The following TENM1 variants were observed in gnomAD, a reference collection of about 807,000 sequenced individuals.
TENM1 encodes teneurin-1.
Under a neutral mutation model 174.8 loss-of-function variants are expected in TENM1, and 35 were observed. The observed-to-expected ratio is 0.20, with a 90% CI of 0.15 to 0.27. TENM1 has a LOEUF of 0.27. Ranked by LOEUF, TENM1 falls within the 10% of genes least tolerant of loss-of-function variation. The pLI, the probability that TENM1 is intolerant of heterozygous loss-of-function variation, is 1.00. For missense variants in TENM1, 1,633 were observed against 2,130.1 expected (o/e 0.77, Z 4.59); for synonymous variants, 781 against 798.7 (o/e 0.98, Z 0.37).
the TENM1 span, among the ~76,000 whole-genome samples, chrX:125,044,176 A>T: frequency 2.1e-4 from 12 of 56,259 alleles, no homozygotes; most frequent in Middle Eastern, 8.2e-3. Context: ...ATAATAATAA[A>T]AAAAGGAAAA....
intron 18 of TENM1, among the ~76,000 whole-genome samples, chrX:124,515,871 CA>C (rs1405058089): frequency 9.2e-6 from 1 of 109,173 alleles, no homozygotes; most frequent in African/African-American, 3.3e-5. Flanking sequence ...TGGAACCCCC[CA>C]AAAAAGCCTA....
At chrX:125,196,430 A>T in the TENM1 span, among the ~76,000 whole-genome samples, 1 of 111,864 alleles carries the variant, frequency 8.9e-6, no homozygotes, top group Non-Finnish European at 1.9e-5. Flanking sequence ...CCACACACAT[A>T]AACACAAACA....
At chrX:125,153,518 C>A in the TENM1 span, among the ~76,000 whole-genome samples, 1 of 112,176 alleles carries the variant, frequency 8.9e-6, no homozygotes, top group Non-Finnish European at 1.9e-5. Flanking sequence ...TAATGCCAAA[C>A]ATAGTTGAAT....
chrX:124,754,987 G>C (rs1431595118), intron 3 of TENM1, among the ~76,000 whole-genome samples: 1 of 103,594 alleles, frequency 9.7e-6, no homozygotes, highest in African/African-American at 3.9e-5. Context: ...GGAGAGTTCT[G>C]TAGATGTCTA....
Position 124,712,461 on chromosome X carries a change from ATCTTTTCTTT to A in TENM1, c.777-7220_777-7211del, listed in dbSNP as rs965626084. Among the ~76,000 whole-genome samples the A allele has an allele frequency of 6.4e-4, 71 of 110,479 alleles. No individual in the cohort carries two copies. In the East Asian group the frequency reaches 8.0e-3, roughly 12 times the overall value. ...TCTCTGATGAATAGGGATTTTGAACATCTTTTCTTTTCTTTTCTTTTTCTTTTTTGTTTTT... is the reference window on the plus strand; with the variant it reads ...TCTCTGATGAATAGGGATTTTGAACATCTTTTCTTTTTCTTTTTTGTTTTT... On this transcript the variant is annotated intron_variant, in intron 4 of 31. Coordinates refer to ENST00000422452, the Ensembl canonical transcript of TENM1.
chrX:125,194,530 T>G, the TENM1 span, among the ~76,000 whole-genome samples: 76 of 111,545 alleles, frequency 6.8e-4, 1 homozygote, highest in African/African-American at 2.2e-3. Flanking sequence ...AAACCCCTTA[T>G]CTCGTTCAGT....
chrX:124,895,897 C>T (rs759509334), intron 2 of TENM1, 84 bp downstream of exon 5: 3 of 1,069,062 alleles, frequency 2.8e-6, no homozygotes, highest in Admixed American at 2.5e-5. Context: ...GAAAGAAGGG[C>T]AGATATAGGG....
chrX:125,015,318 C>T, the TENM1 span, among the ~76,000 whole-genome samples: 9,955 of 111,139 alleles, frequency 0.09, 351 homozygotes, highest in South Asian at 0.2. Flanking sequence ...TCTTGTGAAA[C>T]CCCTCTCCCA....
intron 23 of TENM1, among the ~76,000 whole-genome samples, chrX:124,425,478 C>T (rs1009346622): frequency 1.3e-4 from 15 of 111,634 alleles, no homozygotes; most frequent in Non-Finnish European, 2.8e-4. Context: ...GGACTGGTGG[C>T]TTTATAAGAA....
At chrX:125,177,814 T>A in the TENM1 span, among the ~76,000 whole-genome samples, 1 of 112,229 alleles carries the variant, frequency 8.9e-6, no homozygotes, top group South Asian at 3.7e-4. Context: ...AATGTTGGAC[T>A]TTTTGTTGAT....
intron 27 of TENM1, among the ~76,000 whole-genome samples, chrX:124,400,744 G>A (rs906191925): frequency 8.9e-6 from 1 of 111,923 alleles, no homozygotes; most frequent in African/African-American, 3.2e-5. Flanking sequence ...GTACAAACTG[G>A]ATGTAGTTCC....
At chrX:125,117,889 A>T in the TENM1 span, among the ~76,000 whole-genome samples, 1 of 111,271 alleles carries the variant, frequency 9.0e-6, no homozygotes, top group African/African-American at 3.3e-5. Flanking sequence ...AAAGTAAGAT[A>T]AATCATTATA....
the TENM1 span, among the ~76,000 whole-genome samples, chrX:125,034,827 C>G: frequency 1.8e-5 from 2 of 111,375 alleles, no homozygotes; most frequent in Non-Finnish European, 3.8e-5. Flanking sequence ...TCAGGCCATC[C>G]TAGGGAACCA....
intron 3 of TENM1, among the ~76,000 whole-genome samples, chrX:124,746,913 A>G (rs1016297250): frequency 9.0e-6 from 1 of 111,055 alleles, no homozygotes; most frequent in Non-Finnish European, 1.9e-5. Context: ...GGATCACCTG[A>G]GGTCAGGAGT....
chrX:125,152,073 T>C, the TENM1 span, among the ~76,000 whole-genome samples: 3 of 110,389 alleles, frequency 2.7e-5, no homozygotes, highest in Non-Finnish European at 3.8e-5. Context: ...CTGGCCAACA[T>C]GGCAAAATCC....
intron 18 of TENM1, among the ~76,000 whole-genome samples, chrX:124,507,531 G>A (rs767259136): frequency 8.9e-6 from 1 of 111,880 alleles, no homozygotes; most frequent in Non-Finnish European, 1.9e-5. Flanking sequence ...ACACTGGCTT[G>A]TAAAGAAGAC....
chrX:124,421,428 A>C (rs2060652504), intron 24 of TENM1, among the ~76,000 whole-genome samples: 2 of 111,662 alleles, frequency 1.8e-5, no homozygotes, highest in African/African-American at 6.5e-5. Flanking sequence ...CAAATTGCTC[A>C]CTCCTGACTC....
chrX:124,959,657 A>G (rs1228323626), intron 1 of TENM1, among the ~76,000 whole-genome samples: 1 of 111,329 alleles, frequency 9.0e-6, no homozygotes, highest in Non-Finnish European at 1.9e-5. Flanking sequence ...ATGTCATACC[A>G]GCATCTTAAA....
intron 11 of TENM1, among the ~76,000 whole-genome samples, chrX:124,608,741 AAT>A (rs2050215191): frequency 9.1e-6 from 1 of 109,774 alleles, no homozygotes; most frequent in South Asian, 3.9e-4. Context: ...AGCTCAGATT[AAT>A]AGTCAGGGGA....
Sources: gnomAD v4.1 joint callset for allele counts (sites outside exome capture counted in the v4.1 genomes callset) on GRCh38, gnomAD v4.1.1 for gene constraint, MANE v1.5 for transcripts, NCBI Gene and HGNC (gene_info 2026-07-23, HGNC 2026-07-21) for gene names.